The following PDE4D variants were observed in gnomAD, a reference collection of about 807,000 sequenced individuals.
The protein encoded by PDE4D is phosphodiesterase 4D, also known as 3',5'-cyclic-AMP phosphodiesterase 4D.
In PDE4D, 24 loss-of-function variants were observed where a neutral mutation model predicts 87.4. That is an observed-to-expected ratio of 0.27 (90% CI 0.20 to 0.39). The LOEUF is 0.39. PDE4D is among the 10% of genes least tolerant of loss of function. The pLI is 1.00. For synonymous variants in PDE4D, 384 were observed against 383.2 expected (o/e 1.00, Z -0.02); for missense variants, 714 against 1,041.0 (o/e 0.69, Z 4.32).
intron 2 of PDE4D, among the ~76,000 whole-genome samples, chr5:60,070,681 T>C (rs1562054700): frequency 6.6e-6 from 1 of 152,050 alleles, no homozygotes; most frequent in Non-Finnish European, 1.5e-5. Context: ...TGTCTGACTT[T>C]AGTATCAGAG....
chr5:60,393,965 A>G (rs1405356698), intron 1 of PDE4D, among the ~76,000 whole-genome samples: 1 of 152,220 alleles, frequency 6.6e-6, no homozygotes, highest in Non-Finnish European at 1.5e-5. Flanking sequence ...CTACAGATTT[A>G]CCTAAATTTT....
rs146655713 is a variant in PDE4D at position 60,081,922 on chromosome 5, G to A, written c.43-93205C>T. ...TTTTTGTTTGTAGAGGTTAATGAAAGTTTGAGTAAAGTAAATTCATCAGGA... is the reference window on the plus strand; with the variant it reads ...TTTTTGTTTGTAGAGGTTAATGAAAATTTGAGTAAAGTAAATTCATCAGGA... On this transcript the variant is annotated intron_variant, in intron 2 of 16. Transcript: ENST00000502484. 1.2e-3 allele frequency among the ~76,000 whole-genome samples: 190 copies of A among 152,192 alleles called. 4 individuals carry two copies. In the East Asian group the frequency reaches 0.03, roughly 24 times the overall value.
At position 59,499,347 on chromosome 5, in the gene PDE4D, TAAA is replaced by T. The variant is rs55735204; in HGVS notation, c.456-283382_456-283380del. The stretch of plus-strand genomic sequence containing the variant: ...GAAATTAACAACCTAAAATCGCACC[TAAA>T]AAAAAAAAAAAAACAGAAAAACAAG... On this transcript the variant is annotated intron_variant, in intron 1 of 14. Coordinates refer to ENST00000340635, the MANE Select transcript of PDE4D (RefSeq NM_001104631.2). Among the ~76,000 whole-genome samples, 518 of 130,716 alleles carry T rather than the reference TAAA, an allele frequency of 4.0e-3. 2 individuals are homozygous for T. Among genetic ancestry groups the T allele is most frequent in the African/African-American group, 0.013 (470 of 36,092 alleles). 85.8% of individuals were successfully genotyped at this position (130,716 alleles called of 152,430 possible). A position where few individuals can be genotyped will look rare whatever the true frequency, so the allele number is the denominator to read the frequency against.
chr5:60,132,158 T>G (rs538114078), intron 2 of PDE4D, among the ~76,000 whole-genome samples: 1 of 152,322 alleles, frequency 6.6e-6, no homozygotes, highest in South Asian at 2.1e-4. Context: ...CATCTTGAAC[T>G]AAGTTAATGA....
chr5:59,182,254 A>T (rs1355411911), intron 4 of PDE4D, among the ~76,000 whole-genome samples: 3 of 147,936 alleles, frequency 2.0e-5, no homozygotes, highest in South Asian at 2.1e-4. Flanking sequence ...TTCTTCTTAA[A>T]TTTTTTTTTT....
intron 1 of PDE4D, among the ~76,000 whole-genome samples, chr5:60,462,611 G>T (rs1403487695): frequency 2.0e-5 from 3 of 152,176 alleles, no homozygotes; most frequent in African/African-American, 7.2e-5. Flanking sequence ...ACACTGGGGA[G>T]CATGAAAGGT....
At chr5:59,325,474 C>T (rs1388880287) in intron 1 of PDE4D, among the ~76,000 whole-genome samples, 1 of 152,160 alleles carries the variant, frequency 6.6e-6, no homozygotes. Flanking sequence ...AAAGGACCTA[C>T]ACAGTAGTGT....
At chr5:60,038,318 G>A (rs891896090) in intron 2 of PDE4D, among the ~76,000 whole-genome samples, 1 of 152,120 alleles carries the variant, frequency 6.6e-6, no homozygotes, top group Non-Finnish European at 1.5e-5. Context: ...GTAAGGAAGG[G>A]ATCCAGTTTC....
At chr5:60,405,862 T>C (rs1418214850) in intron 1 of PDE4D, among the ~76,000 whole-genome samples, 1 of 152,068 alleles carries the variant, frequency 6.6e-6, no homozygotes, top group Non-Finnish European at 1.5e-5. Context: ...AGGAAAAACA[T>C]AGAACGTGGA....
At chr5:59,175,806 T>TC (rs1491338945) in intron 5 of PDE4D, among the ~76,000 whole-genome samples, 1 of 87,860 alleles carries the variant, frequency 1.1e-5, no homozygotes, top group African/African-American at 4.0e-5. Context: ...TTTTTTTTTT[T>TC]ACTTTAGGAG....
chr5:59,132,653 T>A (rs757556994), intron 5 of PDE4D, among the ~76,000 whole-genome samples: 1 of 152,242 alleles, frequency 6.6e-6, no homozygotes, highest in Non-Finnish European at 1.5e-5. Flanking sequence ...GAAAAGTTCC[T>A]GTTTGCTATT....
rs1742909431 is a variant in PDE4D, at chr5:59,840,930, A to C, written c.455+52238T>G. Among the ~76,000 whole-genome samples, 2 of 152,082 alleles carry C rather than the reference A, an allele frequency of 1.3e-5. 1 individual carries two copies. Among genetic ancestry groups the C allele is most frequent in the Admixed American group, 1.3e-4 (2 of 15,258 alleles). ...TTCTTGAAGAAAGATTACTTATTCTAATTCTTCACTCAATGAAAGAATCAA... is the reference window on the plus strand; with the variant it reads ...TTCTTGAAGAAAGATTACTTATTCTCATTCTTCACTCAATGAAAGAATCAA... On this transcript the variant is annotated intron_variant, in intron 1 of 14. Transcript: ENST00000340635.
intron 5 of PDE4D, among the ~76,000 whole-genome samples, chr5:59,171,768 C>CTATATA (rs78395306): frequency 2.1e-5 from 3 of 140,116 alleles, no homozygotes; most frequent in Admixed American, 7.7e-5. Context: ...CTCTCTCTCT[C>CTATATA]TATATATGAA....
intron 1 of PDE4D, among the ~76,000 whole-genome samples, chr5:59,870,601 GA>G (rs1747682226): frequency 6.6e-6 from 1 of 152,150 alleles, no homozygotes; most frequent in South Asian, 2.1e-4. Context: ...CCTAAGAAGG[GA>G]CTACTTACCT....
chr5:59,261,528 C>G (rs1303384384), intron 1 of PDE4D, among the ~76,000 whole-genome samples: 1 of 151,752 alleles, frequency 6.6e-6, no homozygotes, highest in African/African-American at 2.4e-5. Flanking sequence ...AAATAAAGGT[C>G]TCCCGAAGAT....
chr5:60,098,594 C>G (rs1775927618), intron 2 of PDE4D, among the ~76,000 whole-genome samples: 1 of 151,898 alleles, frequency 6.6e-6, no homozygotes, highest in Non-Finnish European at 1.5e-5. Context: ...TGTTAATGTA[C>G]AGAAATGCAA....
intron 2 of PDE4D, among the ~76,000 whole-genome samples, chr5:59,207,536 C>T (rs997689380): frequency 2.6e-5 from 4 of 152,206 alleles, no homozygotes; most frequent in East Asian, 1.9e-4. Context: ...TTATTTCACA[C>T]ATAATGTGCT....
chr5:60,479,368 A>C (rs1017012504), intron 1 of PDE4D, among the ~76,000 whole-genome samples: 1 of 152,194 alleles, frequency 6.6e-6, no homozygotes, highest in African/African-American at 2.4e-5. Context: ...ACTTGGCTTG[A>C]CAATCACAGC....
chr5:59,541,948 A>G (rs1165241611), intron 1 of PDE4D, among the ~76,000 whole-genome samples: 2 of 152,044 alleles, frequency 1.3e-5, no homozygotes, highest in African/African-American at 4.8e-5. Context: ...CCTGAGATCT[A>G]CTTCATGGAC....
Sources: gnomAD v4.1 joint callset for allele counts (sites outside exome capture counted in the v4.1 genomes callset) on GRCh38, gnomAD v4.1.1 for gene constraint, MANE v1.5 for transcripts, NCBI Gene and HGNC (gene_info 2026-07-23, HGNC 2026-07-21) for gene names.